Variants in MAP4K3 observed in about 807,000 individuals in gnomAD.
The protein encoded by MAP4K3 is mitogen-activated protein kinase kinase kinase kinase 3, also known as MAPK/ERK kinase kinase kinase 3.
In MAP4K3, 94 loss-of-function variants were observed where a neutral mutation model predicts 143.5. The ratio of observed to expected loss-of-function variants is 0.65; its 90% CI spans 0.55 to 0.78. The LOEUF (loss-of-function observed/expected upper bound fraction) is 0.78. MAP4K3 is among the 30% of genes least tolerant of loss of function. The pLI is 0.00. For synonymous variants in MAP4K3, 416 were observed against 347.2 expected, an observed-to-expected ratio of 1.20 and a Z score of -2.20; for missense variants, 1,077 against 1,068.1, an observed-to-expected ratio of 1.01 and a Z score of -0.12.
chr2:39,374,541 G>A (rs1573213952), intron 2 of MAP4K3, among the ~76,000 whole-genome samples: 1 of 151,830 alleles, frequency 6.6e-6, no homozygotes, highest in African/African-American at 2.4e-5. Context: ...AATTAGCCGG[G>A]CGTGGTGGTG....
chr2:39,256,800 A>T (rs1205227473), intron 31 of MAP4K3, among the ~76,000 whole-genome samples: 1 of 152,044 alleles, frequency 6.6e-6, no homozygotes, highest in Non-Finnish European at 1.5e-5. Context: ...TTAATGGGGG[A>T]GGTAGGTAAA....
chr2:39,319,165 G>A (rs1281980155), intron 12 of MAP4K3, among the ~76,000 whole-genome samples: 1 of 151,850 alleles, frequency 6.6e-6, no homozygotes, highest in Non-Finnish European at 1.5e-5. Context: ...AATACTTTCT[G>A]AATGCTGTCA....
chr2:39,318,722 A>T (rs981664065), intron 12 of MAP4K3, among the ~76,000 whole-genome samples: 3 of 152,260 alleles, frequency 2.0e-5, no homozygotes, highest in Non-Finnish European at 2.9e-5. Context: ...TTACTTCTTG[A>T]TAAAAAACAA....
At chr2:39,304,653 T>C (rs958236495) in intron 15 of MAP4K3, among the ~76,000 whole-genome samples, 3 of 152,116 alleles carry the variant, frequency 2.0e-5, no homozygotes, top group Non-Finnish European at 4.4e-5. Context: ...CTGTGGAAAA[T>C]AGTATGGCAG....
chr2:39,369,193 G>GTGTTTTTTTTTGTT (rs1666007524), intron 2 of MAP4K3, among the ~76,000 whole-genome samples: 1 of 37,978 alleles, frequency 2.6e-5, no homozygotes, highest in Non-Finnish European at 7.1e-5. Context: ...CTTTGGGCTA[G>GTGTTTTTTTTTGTT]TTTTTTTTTT....
chr2:39,366,036 G>A (rs769997484), intron 2 of MAP4K3, among the ~76,000 whole-genome samples: 7 of 152,154 alleles, frequency 4.6e-5, no homozygotes, highest in Non-Finnish European at 8.8e-5. Flanking sequence ...CAGTACTTCA[G>A]TTGTTCGTGA....
chr2:39,325,425 T>TA (rs987665008), intron 12 of MAP4K3, 93 bp downstream of exon 12: 5 of 749,508 alleles, frequency 6.7e-6, no homozygotes, highest in Non-Finnish European at 1.0e-5. Context: ...GCCCCAAAAT[T>TA]AAAAAAATGG....
chr2:39,292,311 T>A (rs1682076692), intron 18 of MAP4K3, among the ~76,000 whole-genome samples: 1 of 152,126 alleles, frequency 6.6e-6, no homozygotes, highest in African/African-American at 2.4e-5. Context: ...CACAATGTGA[T>A]TATATTTAGA....
chr2:39,258,635 A>T, intron 29 of MAP4K3, 48 bp from the exon 30 acceptor site: 5 of 1,235,496 alleles, frequency 4.0e-6, no homozygotes, highest in Non-Finnish European at 6.0e-6. Flanking sequence ...TGTGATACTT[A>T]AAGCATGGAA....
At chr2:39,311,466 G>A (rs759825896) in intron 13 of MAP4K3, among the ~76,000 whole-genome samples, 23 of 152,216 alleles carry the variant, frequency 1.5e-4, no homozygotes, top group Non-Finnish European at 2.8e-4. Flanking sequence ...GGCCCCCAGT[G>A]ACTCCTGCCT....
intron 1 of MAP4K3, among the ~76,000 whole-genome samples, chr2:39,432,136 T>C (rs1665309001): frequency 1.3e-5 from 2 of 152,232 alleles, no homozygotes; most frequent in Admixed American, 1.3e-4. Context: ...TCACAGTTCA[T>C]AACACATTTC....
intron 6 of MAP4K3, among the ~76,000 whole-genome samples, chr2:39,334,827 AAAAT>A (rs1683809902): frequency 6.6e-6 from 1 of 152,224 alleles, no homozygotes; most frequent in Non-Finnish European, 1.5e-5. Flanking sequence ...GAAAAAACTT[AAAAT>A]AAATATATTT....
At chr2:39,343,796 A>G (rs569215001) in intron 3 of MAP4K3, among the ~76,000 whole-genome samples, 26 of 152,174 alleles carry the variant, frequency 1.7e-4, no homozygotes, top group Non-Finnish European at 3.4e-4. Flanking sequence ...AATAAATCTC[A>G]AAGTATACTA....
intron 13 of MAP4K3, among the ~76,000 whole-genome samples, chr2:39,312,429 C>G (rs1005469750): frequency 1.3e-5 from 2 of 152,148 alleles, no homozygotes; most frequent in Non-Finnish European, 2.9e-5. Flanking sequence ...CTCAACCAAG[C>G]TGAGGAAAAC....
In MAP4K3 at chr2:39,428,406, G is replaced by A. The variant is rs561294085; in HGVS notation, c.96+8486C>T. Among the ~76,000 whole-genome samples the A allele has an allele frequency of 3.7e-3, 562 of 152,342 alleles. 3 individuals are homozygous for A. The highest frequency in any genetic ancestry group is 0.013 in the African/African-American group (533 of 41,574). ...TATAATCTTTGGGGCCGGCACAGTG[G>A]CTCACGCCTGTAATCCCAGCACTTT... On this transcript the variant is annotated intron_variant, in intron 1 of 33. Coordinates refer to ENST00000263881, the MANE Select transcript of MAP4K3 (RefSeq NM_003618.4).
At position 39,403,254 on chromosome 2, in the gene MAP4K3, C is replaced by A. The variant is rs542900940; in HGVS notation, c.97-25131G>T. Among the ~76,000 whole-genome samples the A allele has an allele frequency of 1.1e-3, 169 of 152,286 alleles. 1 individual carries two copies. Among genetic ancestry groups the A allele is most frequent in the Admixed American group, 9.5e-3 (145 of 15,304 alleles). On this transcript the variant is annotated intron_variant, in intron 1 of 33. Transcript: ENST00000263881. ...ACACCAAATTTAGCAACTATCTACA[C>A]ACAAAAAAGCACCTTTATAAGAACC...
At chr2:39,294,735 T>C (rs1273386596) in intron 16 of MAP4K3, among the ~76,000 whole-genome samples, 1 of 152,236 alleles carries the variant, frequency 6.6e-6, no homozygotes, top group Non-Finnish European at 1.5e-5. Flanking sequence ...AGAAGGGTAA[T>C]TTAGGACAGA....
intron 15 of MAP4K3, among the ~76,000 whole-genome samples, chr2:39,304,812 C>G (rs1682639647): frequency 6.6e-6 from 1 of 152,140 alleles, no homozygotes; most frequent in African/African-American, 2.4e-5. Flanking sequence ...ACTCACTGTC[C>G]ATCAATGGAT....
At chr2:39,411,381 A>T (rs994044693) in intron 1 of MAP4K3, among the ~76,000 whole-genome samples, 3 of 152,160 alleles carry the variant, frequency 2.0e-5, no homozygotes, top group Non-Finnish European at 2.9e-5. Context: ...TTCCCTCTCT[A>T]AACAGTGACT....
Sources: gnomAD v4.1 joint callset for allele counts (sites outside exome capture counted in the v4.1 genomes callset) on GRCh38, gnomAD v4.1.1 for gene constraint, MANE v1.5 for transcripts, NCBI Gene and HGNC (gene_info 2026-07-23, HGNC 2026-07-21) for gene names.